ADAM22: variants seen among roughly 807,000 people sequenced by gnomAD.
The protein encoded by ADAM22 is disintegrin and metalloproteinase domain-containing protein 22.
A neutral mutation model predicts 144.6 loss-of-function variants in ADAM22; 65 were observed. That is an observed-to-expected ratio of 0.45 (90% CI 0.37 to 0.55). ADAM22 has a LOEUF of 0.55. ADAM22 is among the 20% of genes least tolerant of loss of function. The pLI is 0.00. For synonymous variants in ADAM22, 391 were observed against 412.6 expected (o/e 0.95, Z 0.63); for missense variants, 974 against 1,184.9 (o/e 0.82, Z 2.61).
At chr7:88,019,859 G>GTGTA (rs1331118905) in intron 3 of ADAM22, among the ~76,000 whole-genome samples, 1 of 52,832 alleles carries the variant, frequency 1.9e-5, no homozygotes, top group African/African-American at 1.8e-4. Flanking sequence ...CAAAAAATAT[G>GTGTA]TGTGTGTGTG....
intron 27 of ADAM22, 81 bp from the exon 28 acceptor site, chr7:88,181,424 T>C: frequency 9.0e-7 from 1 of 1,105,422 alleles, no homozygotes; most frequent in Non-Finnish European, 1.4e-6. Context: ...TGCACAGTAA[T>C]GCTTAGAAGT....
intron 4 of ADAM22, among the ~76,000 whole-genome samples, chr7:88,091,680 A>C (rs182296389): frequency 9.2e-5 from 14 of 152,276 alleles, no homozygotes; most frequent in Admixed American, 3.9e-4. Context: ...TTGCCCAAGA[A>C]TTTTAAGAAA....
intron 3 of ADAM22, among the ~76,000 whole-genome samples, chr7:87,991,633 T>C (rs887393311): frequency 6.6e-6 from 1 of 152,196 alleles, no homozygotes; most frequent in African/African-American, 2.4e-5. Context: ...CCCAAAGTGC[T>C]GGGATTACAG....
At chr7:88,124,403 A>G (rs949160613) in intron 7 of ADAM22, among the ~76,000 whole-genome samples, 6 of 151,718 alleles carry the variant, frequency 4.0e-5, no homozygotes, top group Non-Finnish European at 7.4e-5. Flanking sequence ...CTGAAGTTAC[A>G]TTGTCTGATA....
At chr7:88,085,990 C>G (rs930156027) in intron 4 of ADAM22, among the ~76,000 whole-genome samples, 7 of 152,100 alleles carry the variant, frequency 4.6e-5, no homozygotes, top group Non-Finnish European at 8.8e-5. Flanking sequence ...TCATGGCTAA[C>G]ACGGTGAAAC....
intron 22 of ADAM22, among the ~76,000 whole-genome samples, chr7:88,160,581 A>G (rs928776429): frequency 2.0e-5 from 3 of 152,164 alleles, no homozygotes; most frequent in Admixed American, 1.3e-4. Flanking sequence ...CTGATCTTCG[A>G]TGAAGCTGAC....
At chr7:88,170,382 A>G (rs1844021752) in intron 25 of ADAM22, among the ~76,000 whole-genome samples, 1 of 151,722 alleles carries the variant, frequency 6.6e-6, no homozygotes, top group Non-Finnish European at 1.5e-5. Context: ...CTGAGAACTC[A>G]TTTTCTCATT....
At chr7:88,119,898 A>G (rs928379759) in intron 7 of ADAM22, among the ~76,000 whole-genome samples, 2 of 152,216 alleles carry the variant, frequency 1.3e-5, no homozygotes, top group African/African-American at 2.4e-5. Context: ...CTTTTCTGTG[A>G]GCACATATTT....
intron 3 of ADAM22, among the ~76,000 whole-genome samples, chr7:88,014,781 C>CA: frequency 6.6e-6 from 1 of 152,182 alleles, no homozygotes; most frequent in Non-Finnish European, 1.5e-5. Context: ...TCACGTTTAC[C>CA]AAGTCATCAT....
intron 4 of ADAM22, among the ~76,000 whole-genome samples, chr7:88,106,389 G>A (rs1480524717): frequency 6.6e-6 from 1 of 152,176 alleles, no homozygotes; most frequent in Non-Finnish European, 1.5e-5. Context: ...CTCACAAGGA[G>A]CAGTAGTCTC....
At chr7:88,193,303 A>G in intron 31 of ADAM22, 64 bp downstream of exon 31, 1 of 1,521,546 alleles carries the variant, frequency 6.6e-7, no homozygotes. Flanking sequence ...ATGAGTTTAT[A>G]TTTTAAAAGA....
Position 88,039,484 on chromosome 7 carries a change from T to C in ADAM22, c.324-36142T>C, listed in dbSNP as rs994233353. On this transcript the variant is annotated intron_variant, in intron 3 of 31. Coordinates refer to ENST00000413139, the MANE Select transcript of ADAM22 (RefSeq NM_001324418.2). ...AAAAAAATATATATATATATATATA[T>C]ACATTTCATGTACGGTGGCTATAAT... Among the ~76,000 whole-genome samples the C allele has an allele frequency of 2.1e-3, 256 of 120,470 alleles. 10 individuals carry two copies. Among genetic ancestry groups the C allele is most frequent in the Non-Finnish European group, 4.0e-3 (213 of 53,892 alleles). 79.0% of individuals were successfully genotyped at this position (120,470 alleles called of 152,430 possible). A position where few individuals can be genotyped will look rare whatever the true frequency, so the allele number is the denominator to read the frequency against.
intron 14 of ADAM22, 121 bp from the exon 15 acceptor site, chr7:88,142,905 T>A: frequency 1.7e-6 from 1 of 592,326 alleles, no homozygotes; most frequent in Admixed American, 2.8e-5. Flanking sequence ...ATGTCATACA[T>A]AAGTAGACTT....
chr7:87,968,244 G>A (rs1166907976), intron 2 of ADAM22, among the ~76,000 whole-genome samples: 1 of 152,088 alleles, frequency 6.6e-6, no homozygotes, highest in African/African-American at 2.4e-5. Context: ...TTAGAATATT[G>A]CTTTTCAACT....
chr7:87,951,937 CTGTT>C (rs1307789928), intron 2 of ADAM22, among the ~76,000 whole-genome samples: 5 of 145,830 alleles, frequency 3.4e-5, no homozygotes, highest in Non-Finnish European at 6.0e-5. Context: ...ATTTGGCTCT[CTGTT>C]TGTCTGTTAT....
At position 88,143,057 on chromosome 7, in the gene ADAM22, A is replaced by C; in HGVS notation, c.1252A>C (p.Asn418His). 1 of 1,612,226 alleles carries C rather than the reference A, an allele frequency of 6.2e-7. No individual in the cohort carries two copies. Among genetic ancestry groups the C allele is most frequent in the Non-Finnish European group, 8.5e-7 (1 of 1,178,788 alleles). ...TCTTCCTAAAAAGTTCACCCAGTGT[A>C]ATATTGAAGAGTATCATGACTTCCT... ...YYLPKKFTQC[N>H]IEEYHDFLNS... Residue 418 changes from asparagine (N) to histidine (H), a missense_variant, in exon 15 of 32, where the codon AAT (asparagine) becomes CAT (histidine). Coordinates refer to ENST00000413139, the MANE Select transcript of ADAM22 (RefSeq NM_001324418.2).
chr7:87,959,354 G>A (rs559106904), intron 2 of ADAM22, among the ~76,000 whole-genome samples: 1 of 152,264 alleles, frequency 6.6e-6, no homozygotes, highest in Non-Finnish European at 1.5e-5. Context: ...TATAGTAAGA[G>A]CTCAATAAAT....
At chr7:88,004,746 C>T (rs1793386603) in intron 3 of ADAM22, among the ~76,000 whole-genome samples, 1 of 152,124 alleles carries the variant, frequency 6.6e-6, no homozygotes, top group Non-Finnish European at 1.5e-5. Flanking sequence ...TCATAATGCA[C>T]TCTAAGATTT....
intron 2 of ADAM22, among the ~76,000 whole-genome samples, chr7:87,966,310 A>G (rs950165861): frequency 2.6e-5 from 4 of 152,222 alleles, no homozygotes; most frequent in Non-Finnish European, 4.4e-5. Flanking sequence ...ATAGCTCGAT[A>G]CAACTATACT....
Sources: gnomAD v4.1 joint callset for allele counts (sites outside exome capture counted in the v4.1 genomes callset) on GRCh38, gnomAD v4.1.1 for gene constraint, MANE v1.5 for transcripts, NCBI Gene and HGNC (gene_info 2026-07-23, HGNC 2026-07-21) for gene names.